Variants in CDK15 observed in about 807,000 individuals in gnomAD.
The protein encoded by CDK15 is cyclin-dependent kinase 15.
Under a neutral mutation model 60.3 loss-of-function variants are expected in CDK15, and 62 were observed. The ratio of observed to expected loss-of-function variants is 1.03; its 90% CI spans 0.84 to 1.27. CDK15 has a LOEUF of 1.27. Ranked by LOEUF, CDK15 falls within the 50% of genes most tolerant of loss-of-function variation. The probability of loss-of-function intolerance (pLI) is 0.00; values close to 1 mark genes in which losing one functional copy is unlikely to be tolerated. For synonymous variants in CDK15, 194 were observed against 195.7 expected (o/e 0.99, Z 0.07); for missense variants, 541 against 527.8 (o/e 1.03, Z -0.25).
intron 6 of CDK15, among the ~76,000 whole-genome samples, chr2:201,832,712 C>T (rs1169834497): frequency 6.6e-6 from 1 of 152,218 alleles, no homozygotes; most frequent in African/African-American, 2.4e-5. Flanking sequence ...TCTCCATGCT[C>T]CTGCTTCCAT....
chr2:201,853,899 T>C (rs540692289), intron 9 of CDK15, among the ~76,000 whole-genome samples: 9 of 152,254 alleles, frequency 5.9e-5, no homozygotes, highest in Middle Eastern at 3.4e-3. Flanking sequence ...CGGTTGCTCA[T>C]GCCTGAAATC....
At chr2:201,820,387 G>T (rs1391013993) in intron 4 of CDK15, among the ~76,000 whole-genome samples, 1 of 152,182 alleles carries the variant, frequency 6.6e-6, no homozygotes, top group African/African-American at 2.4e-5. Context: ...CAAGAAGCTG[G>T]CAAGAAGAGG....
At chr2:201,807,321 T>C (rs1238366889) in intron 1 of CDK15, among the ~76,000 whole-genome samples, 173 bp from the exon 2 acceptor site, 2 of 152,220 alleles carry the variant, frequency 1.3e-5, no homozygotes, top group Non-Finnish European at 2.9e-5. Flanking sequence ...CAGGAGTTGA[T>C]ACCATTATGG....
At chr2:201,865,933 T>C (rs1698613404) in intron 10 of CDK15, among the ~76,000 whole-genome samples, 1 of 140,318 alleles carries the variant, frequency 7.1e-6, no homozygotes, top group African/African-American at 2.7e-5. Flanking sequence ...TGGGAAGCCT[T>C]GAGCCAAATA....
At chr2:201,824,824 TA>T in intron 6 of CDK15, 1 of 628,670 alleles carries the variant, frequency 1.6e-6, no homozygotes. Flanking sequence ...AGGACAGTGT[TA>T]CAGCAATTGA....
At position 201,823,703 on chromosome 2, in the gene CDK15, A is replaced by C; in HGVS notation, c.582A>C (p.Gly194=). The C allele has an allele frequency of 6.2e-7, 1 of 1,613,864 alleles. No homozygotes were observed. The highest frequency in any genetic ancestry group is 1.3e-5 in the African/African-American group (1 of 75,018). ...DLAQYMSQHP[G]GLHPHNVRLF... is the part of the protein sequence containing the mutation. ...CCCAGTATATGTCTCAGCATCCAGG[A>C]GGGCTTCATCCTCATAATGTCAGAG... The change falls in exon 6 of 14, where the codon GGA becomes GGC. Residue 194 remains glycine, a synonymous_variant. Coordinates refer to ENST00000652192, the MANE Select transcript of CDK15 (RefSeq NM_001366386.2).
intron 10 of CDK15, chr2:201,861,001 C>G: frequency 1.7e-6 from 2 of 1,182,380 alleles, no homozygotes; most frequent in Non-Finnish European, 2.1e-6. Flanking sequence ...AGGTCTGCAT[C>G]TGGGTCGGCA....
At chr2:201,871,863 T>C (rs1362675547) in intron 10 of CDK15, among the ~76,000 whole-genome samples, 3 of 152,004 alleles carry the variant, frequency 2.0e-5, no homozygotes, top group African/African-American at 7.2e-5. Context: ...GGTCGTCTTC[T>C]CCTTGAGTCT....
chr2:201,864,652 T>C (rs1036098401), intron 10 of CDK15, among the ~76,000 whole-genome samples: 4 of 152,052 alleles, frequency 2.6e-5, no homozygotes, highest in African/African-American at 9.7e-5. Flanking sequence ...GATGTGAGCT[T>C]GGCCTCCCAA....
chr2:201,869,833 A>G (rs1233828407), intron 10 of CDK15, among the ~76,000 whole-genome samples: 2 of 152,230 alleles, frequency 1.3e-5, no homozygotes, highest in African/African-American at 4.8e-5. Context: ...TGACTGAATG[A>G]GGAAATATTT....
intron 8 of CDK15, among the ~76,000 whole-genome samples, chr2:201,843,404 C>T (rs1185650935): frequency 6.6e-6 from 1 of 152,032 alleles, no homozygotes; most frequent in Non-Finnish European, 1.5e-5. Context: ...CCAGGCTGGT[C>T]TCGAACTGAC....
intron 11 of CDK15, among the ~76,000 whole-genome samples, chr2:201,876,231 GC>G (rs1284197634): frequency 6.6e-6 from 1 of 152,202 alleles, no homozygotes; most frequent in African/African-American, 2.4e-5. Context: ...GACAGTAAAG[GC>G]AATTGGTAAC....
chr2:201,839,469 G>T (rs538828858), intron 8 of CDK15, among the ~76,000 whole-genome samples: 1 of 152,280 alleles, frequency 6.6e-6, no homozygotes, highest in Non-Finnish European at 1.5e-5. Context: ...ATACTGTAGG[G>T]ACTATAGGTG....
chr2:201,888,988 G>A (rs747876946), intron 12 of CDK15: 1 of 985,840 alleles, frequency 1.0e-6, no homozygotes, highest in Non-Finnish European at 1.2e-6. Context: ...ATATCCGTGT[G>A]AAAATGTCTT....
Position 201,889,567 on chromosome 2 carries a change from G to A in CDK15, c.1199-1218G>A, listed in dbSNP as rs181863936. ...GCAATGTCAACTTTTGGAGGAACTG[G>A]CTTGTAGCTTTAGTGTAGTGAGCAT... is the stretch of plus-strand genomic sequence containing the variant. On this transcript the variant is annotated intron_variant, in intron 12 of 13. Transcript: ENST00000652192. 238 of 314,690 alleles carry A rather than the reference G, an allele frequency of 7.6e-4. 2 individuals carry two copies. Among genetic ancestry groups the A allele is most frequent in the African/African-American group, 5.2e-3 (232 of 44,464 alleles). The allele number at this position is 314,690 out of a possible 1,614,324, so 19.5% of individuals were successfully genotyped here. A position where few individuals can be genotyped will look rare whatever the true frequency, so the allele number is the denominator to read the frequency against.
At chr2:201,886,638 C>T (rs193082581) in intron 12 of CDK15, among the ~76,000 whole-genome samples, 116 of 152,114 alleles carry the variant, frequency 7.6e-4, no homozygotes, top group African/African-American at 2.7e-3. Context: ...ATTTCTTAAT[C>T]GATGGTGATA....
chr2:201,859,675 G>A (rs947975110), intron 10 of CDK15, among the ~76,000 whole-genome samples: 11 of 152,198 alleles, frequency 7.2e-5, no homozygotes, highest in African/African-American at 2.7e-4. Context: ...TTAAGAGAAA[G>A]TATTAGCTGG....
At chr2:201,859,423 G>C (rs565549804) in intron 10 of CDK15, among the ~76,000 whole-genome samples, 5 of 152,128 alleles carry the variant, frequency 3.3e-5, no homozygotes, top group Non-Finnish European at 7.3e-5. Context: ...GAGCCACTCC[G>C]CTTTGAAGAC....
At chr2:201,881,228 G>A (rs575266738) in intron 12 of CDK15, among the ~76,000 whole-genome samples, 6 of 152,146 alleles carry the variant, frequency 3.9e-5, no homozygotes, top group Admixed American at 3.9e-4. Flanking sequence ...AGTCCAAAGC[G>A]CTTAGTTTGG....
Sources: allele counts gnomAD v4.1 joint callset (sites outside exome capture counted in the v4.1 genomes callset), GRCh38; gene constraint gnomAD v4.1.1; transcripts MANE v1.5; gene names NCBI Gene and HGNC (gene_info 2026-07-23, HGNC 2026-07-21).